FHIP1A: variants seen among roughly 807,000 people sequenced by gnomAD.
FHIP1A encodes the protein FHF complex subunit HOOK-interacting protein 1A.
A neutral mutation model predicts 88.6 loss-of-function variants in FHIP1A; 61 were observed. The ratio of observed to expected loss-of-function variants is 0.69; its 90% CI spans 0.56 to 0.85. The LOEUF (loss-of-function observed/expected upper bound fraction) is 0.85. Among genes scored for constraint, FHIP1A ranks in the 40% least tolerant of loss-of-function variants. The pLI is 0.00. For missense variants in FHIP1A, 1,154 were observed against 1,273.5 expected (o/e 0.91, Z 1.43); for synonymous variants, 478 against 496.0 (o/e 0.96, Z 0.48).
intron 3 of FHIP1A, among the ~76,000 whole-genome samples, chr4:151,531,704 A>G (rs894733251): frequency 8.5e-5 from 13 of 152,202 alleles, no homozygotes; most frequent in African/African-American, 2.7e-4. Flanking sequence ...TAAGCTCCAT[A>G]AAGAGAGGAA....
Position 151,424,594 on chromosome 4 carries a change from C to T in FHIP1A, c.-356+15129C>T, listed in dbSNP as rs1733294735. ...AGGGCATAAACCCTAAGGACTACAT[C>T]AGATTGACATAGTCATATTGGATCT... On this transcript the variant is annotated intron_variant, in intron 1 of 13. Coordinates refer to ENST00000435205, the MANE Select transcript of FHIP1A (RefSeq NM_001109977.3). Among the ~76,000 whole-genome samples the T allele has an allele frequency of 2.0e-5, 3 of 152,108 alleles. No individual in the cohort carries two copies. The South Asian group carries it at 6.2e-4, about 32-fold the overall frequency.
chr4:151,614,116 T>C (rs574866738), intron 7 of FHIP1A, among the ~76,000 whole-genome samples: 7 of 150,988 alleles, frequency 4.6e-5, no homozygotes, highest in African/African-American at 1.7e-4. Flanking sequence ...TGAGCTGAGA[T>C]TGTGCCATTG....
At chr4:151,468,561 C>T (rs994566046) in intron 2 of FHIP1A, among the ~76,000 whole-genome samples, 3 of 152,116 alleles carry the variant, frequency 2.0e-5, no homozygotes, top group African/African-American at 7.2e-5. Context: ...AAGTCTCAGG[C>T]AACTTTAGCT....
intron 1 of FHIP1A, among the ~76,000 whole-genome samples, chr4:151,450,913 G>T (rs1320241955): frequency 2.6e-5 from 4 of 151,952 alleles, no homozygotes; most frequent in Admixed American, 2.0e-4. Context: ...AAGTAGTTGG[G>T]ATTACAAGTG....
rs1171748414 is a variant in FHIP1A at position 151,607,442 on chromosome 4, C to T, written c.978+18516C>T. ...TAATAATTTCTCTATCCAGTGACAG[C>T]CAGCTATTAAGTAGATCTAGAAAAT... On this transcript the variant is annotated intron_variant, in intron 7 of 13. Transcript: ENST00000435205. Among the ~76,000 whole-genome samples, 3 of 152,148 alleles carry T rather than the reference C, an allele frequency of 2.0e-5. No homozygotes were observed. The East Asian group carries it at 5.8e-4, about 29-fold the overall frequency.
chr4:151,588,481 A>T, intron 6 of FHIP1A, among the ~76,000 whole-genome samples: 1 of 152,198 alleles, frequency 6.6e-6, no homozygotes, highest in Non-Finnish European at 1.5e-5. Flanking sequence ...TATACTTTCC[A>T]GTTTGTTAAC....
chr4:151,446,575 C>CTTTTT (rs1580575050), intron 1 of FHIP1A, among the ~76,000 whole-genome samples: 1 of 79,446 alleles, frequency 1.3e-5, no homozygotes, highest in African/African-American at 5.0e-5. Context: ...ATGTGTTGTT[C>CTTTTT]TTTTTCTTTT....
At chr4:151,492,384 G>C (rs1230639440) in intron 3 of FHIP1A, among the ~76,000 whole-genome samples, 1 of 152,002 alleles carries the variant, frequency 6.6e-6, no homozygotes. Context: ...CTGAGGTCAG[G>C]AGTTCGATAA....
intron 5 of FHIP1A, among the ~76,000 whole-genome samples, chr4:151,578,540 G>A (rs550105466): frequency 1.3e-5 from 2 of 152,262 alleles, no homozygotes; most frequent in East Asian, 1.9e-4. Flanking sequence ...AGGAACATGG[G>A]GGGGTGGAGT....
intron 8 of FHIP1A, among the ~76,000 whole-genome samples, chr4:151,638,107 TA>T (rs1424840170): frequency 6.6e-6 from 1 of 152,140 alleles, no homozygotes; most frequent in African/African-American, 2.4e-5. Flanking sequence ...AAGAACTTTT[TA>T]GAAAAGAACA....
At chr4:151,608,334 C>G (rs948381129) in intron 7 of FHIP1A, among the ~76,000 whole-genome samples, 1 of 152,038 alleles carries the variant, frequency 6.6e-6, no homozygotes, top group Non-Finnish European at 1.5e-5. Flanking sequence ...CATGAGGCAC[C>G]ACGTCCGACC....
chr4:151,665,722 T>C lies in FHIP1A; in HGVS notation c.*2968T>C, dbSNP rs1578881990. On this transcript the variant is annotated 3_prime_UTR_variant, in exon 14 of 14. Coordinates refer to ENST00000435205, the MANE Select transcript of FHIP1A (RefSeq NM_001109977.3). ...GAACTCCTTGTCAGGAAAAAAATCA[T>C]TGGCAATGAAGTAGAATATTCTGGT... 6.6e-6 allele frequency among the ~76,000 whole-genome samples: 1 copy of C among 152,300 alleles called. No individual in the cohort carries two copies. Among genetic ancestry groups the C allele is most frequent in the East Asian group, 1.9e-4 (1 of 5,194 alleles).
chr4:151,519,948 C>T lies in FHIP1A; in HGVS notation c.-123+37300C>T, dbSNP rs372979766. Reference sequence around the variant, plus strand: ...GTTACATCTTTTTTCTATTTATAAACTGGGTTGAGCTGTTAAGAGTTCTAA... The same window carrying T: ...GTTACATCTTTTTTCTATTTATAAATTGGGTTGAGCTGTTAAGAGTTCTAA... On this transcript the variant is annotated intron_variant, in intron 3 of 13. Transcript: ENST00000435205. 2.6e-5 allele frequency among the ~76,000 whole-genome samples: 4 copies of T among 152,036 alleles called. No individual in the cohort carries two copies. The East Asian group carries it at 5.8e-4, about 22-fold the overall frequency.
At chr4:151,597,744 A>G (rs1343804815) in intron 7 of FHIP1A, among the ~76,000 whole-genome samples, 1 of 152,170 alleles carries the variant, frequency 6.6e-6, no homozygotes, top group African/African-American at 2.4e-5. Flanking sequence ...GGAGGAATCT[A>G]GAGAGACAGT....
intron 1 of FHIP1A, among the ~76,000 whole-genome samples, chr4:151,442,222 T>G (rs149964932): frequency 1.3e-5 from 2 of 152,168 alleles, no homozygotes; most frequent in African/African-American, 4.8e-5. Flanking sequence ...GGCAGGGTGT[T>G]CCCATGTTAT....
chr4:151,665,010 C>T lies in FHIP1A; in HGVS notation c.*2256C>T, dbSNP rs574439900. ...TTTATTTTTTTGAGACAGGATCTTG[C>T]GCTGCCTGGGCTAGAGTGGAGTGGT... On this transcript the variant is annotated 3_prime_UTR_variant, in exon 14 of 14. Transcript: ENST00000435205. Among the ~76,000 whole-genome samples, 3 of 152,026 alleles carry T rather than the reference C, an allele frequency of 2.0e-5. No homozygotes were observed. Among genetic ancestry groups the T allele is most frequent in the South Asian group, 2.1e-4 (1 of 4,814 alleles).
At chr4:151,655,994 G>A (rs1028735539) in intron 11 of FHIP1A, among the ~76,000 whole-genome samples, 2 of 151,838 alleles carry the variant, frequency 1.3e-5, no homozygotes, top group Non-Finnish European at 2.9e-5. Context: ...TATCAAAACT[G>A]CTCATGGAGT....
chr4:151,638,379 T>G (rs1177144783), intron 8 of FHIP1A, among the ~76,000 whole-genome samples: 1 of 144,348 alleles, frequency 6.9e-6, no homozygotes. Flanking sequence ...TGGAGAATTG[T>G]AGGTAGAATG....
intron 9 of FHIP1A, among the ~76,000 whole-genome samples, chr4:151,643,762 G>T (rs1736684725): frequency 6.6e-6 from 1 of 152,116 alleles, no homozygotes; most frequent in South Asian, 2.1e-4. Flanking sequence ...ATACTGGCGG[G>T]CTATTCATTT....
Sources: allele counts gnomAD v4.1 joint callset (sites outside exome capture counted in the v4.1 genomes callset), GRCh38; gene constraint gnomAD v4.1.1; transcripts MANE v1.5; gene names NCBI Gene and HGNC (gene_info 2026-07-23, HGNC 2026-07-21).